ANK2: variants seen among roughly 807,000 people sequenced by gnomAD.
ANK2 encodes ankyrin 2.
In ANK2, 83 loss-of-function variants were observed where a neutral mutation model predicts 360.5. The observed-to-expected ratio is 0.23, with a 90% CI of 0.19 to 0.28. ANK2 has a LOEUF of 0.28. Among genes scored for constraint, ANK2 ranks in the 10% least tolerant of loss-of-function variants. ANK2 has a pLI of 1.00. For missense variants in ANK2, 4,201 were observed against 4,795.7 expected (o/e 0.88, Z 3.66); for synonymous variants, 1,740 against 1,759.5 (o/e 0.99, Z 0.28).
At chr4:112,863,758 G>A (rs1321651888) in intron 1 of ANK2, among the ~76,000 whole-genome samples, 1 of 151,916 alleles carries the variant, frequency 6.6e-6, no homozygotes, top group Non-Finnish European at 1.5e-5. Context: ...TCCTGACCTC[G>A]TGATCCTCCC....
At chr4:112,730,386 C>T in the ANK2 span, among the ~76,000 whole-genome samples, 1 of 151,262 alleles carries the variant, frequency 6.6e-6, no homozygotes, top group African/African-American at 2.4e-5. Context: ...CCTGTAATCC[C>T]AGCACTTTGG....
At chr4:112,707,489 A>G in the ANK2 span, among the ~76,000 whole-genome samples, 1 of 152,172 alleles carries the variant, frequency 6.6e-6, no homozygotes, top group Non-Finnish European at 1.5e-5. Context: ...TTTTAATTGC[A>G]CTTGGAGCTA....
At chr4:112,974,789 G>GT (rs1220200579) in intron 2 of ANK2, among the ~76,000 whole-genome samples, 1 of 149,260 alleles carries the variant, frequency 6.7e-6, no homozygotes, top group African/African-American at 2.5e-5. Flanking sequence ...TGTCTTCTCT[G>GT]TTTTTTTTCC....
chr4:113,029,375 T>C (rs1473618908), intron 2 of ANK2, among the ~76,000 whole-genome samples: 2 of 151,918 alleles, frequency 1.3e-5, no homozygotes, highest in African/African-American at 2.4e-5. Flanking sequence ...GCTGGAACTA[T>C]AGGCACACAC....
intron 1 of ANK2, among the ~76,000 whole-genome samples, chr4:113,068,048 AT>A (rs2076234790): frequency 2.6e-5 from 4 of 152,316 alleles, no homozygotes; most frequent in Non-Finnish European, 5.9e-5. Context: ...TTGGATAGCC[AT>A]TCCCAAAGAA....
At chr4:113,264,367 A>C (rs1000539702) in intron 13 of ANK2, among the ~76,000 whole-genome samples, 1 of 152,236 alleles carries the variant, frequency 6.6e-6, no homozygotes, top group Non-Finnish European at 1.5e-5. Flanking sequence ...TAAGTGAGAC[A>C]ATGACAGATT....
At chr4:113,173,600 G>A in intron 1 of ANK2, among the ~76,000 whole-genome samples, 1 of 152,170 alleles carries the variant, frequency 6.6e-6, no homozygotes, top group East Asian at 1.9e-4. Context: ...GGGGCCGTGT[G>A]ATTGTAACTG....
chr4:112,990,386 C>G (rs1386828191), intron 2 of ANK2, among the ~76,000 whole-genome samples: 2 of 152,168 alleles, frequency 1.3e-5, no homozygotes, highest in Non-Finnish European at 2.9e-5. Flanking sequence ...AAAAGTCCCA[C>G]CTCTTAGATA....
chr4:113,262,835 G>T (rs1240399407), intron 13 of ANK2, among the ~76,000 whole-genome samples: 1 of 151,760 alleles, frequency 6.6e-6, no homozygotes, highest in Non-Finnish European at 1.5e-5. Context: ...TGGTATTGGT[G>T]GGGGAAACAG....
At chr4:113,303,615 A>G (rs1009792322) in intron 23 of ANK2, among the ~76,000 whole-genome samples, 10 of 152,120 alleles carry the variant, frequency 6.6e-5, no homozygotes, top group Non-Finnish European at 1.3e-4. Context: ...TGTATTTTGA[A>G]CTTCCATGTA....
chr4:113,238,391 T>C (rs569377205), intron 7 of ANK2, among the ~76,000 whole-genome samples: 38 of 152,330 alleles, frequency 2.5e-4, no homozygotes, highest in African/African-American at 8.7e-4. Context: ...GGGGATTCTT[T>C]AGACTATCAT....
intron 9 of ANK2, among the ~76,000 whole-genome samples, chr4:113,244,029 A>G (rs1310583995): frequency 1.3e-5 from 2 of 152,224 alleles, no homozygotes; most frequent in Non-Finnish European, 2.9e-5. Context: ...ATTTGGGTAT[A>G]CAATTAAAAA....
intron 14 of ANK2, among the ~76,000 whole-genome samples, chr4:113,267,698 T>C (rs2056789368): frequency 1.3e-5 from 2 of 152,236 alleles, no homozygotes; most frequent in South Asian, 4.1e-4. Context: ...CCTCCAGCTT[T>C]ATTCTTTTTG....
At chr4:113,113,965 G>A (rs186184259) in intron 1 of ANK2, among the ~76,000 whole-genome samples, 1 of 152,272 alleles carries the variant, frequency 6.6e-6, no homozygotes, top group Admixed American at 6.5e-5. Context: ...CTCTGTGTAG[G>A]AATGTCTAAT....
chr4:113,028,939 A>G (rs1579418688), intron 2 of ANK2, among the ~76,000 whole-genome samples: 2 of 152,242 alleles, frequency 1.3e-5, no homozygotes, highest in East Asian at 3.9e-4. Context: ...TACTCAGTCA[A>G]CTCAATCATG....
In ANK2 at chr4:113,287,669, C is replaced by A. The variant is rs199681788; in HGVS notation, c.2144C>A (p.Thr715Asn). 17 of 1,613,298 alleles carry A rather than the reference C, an allele frequency of 1.1e-5. No homozygotes were observed. In the East Asian group the frequency reaches 2.7e-4, roughly 25 times the overall value. ...AAAGTGAATGTTGCTGATATTCTCACCAAGCATGGAGCTGATCAGGATGCT... is the reference window on the plus strand; with the variant it reads ...AAAGTGAATGTTGCTGATATTCTCAACAAGCATGGAGCTGATCAGGATGCT... ...EDKVNVADIL[T>N]KHGADQDAHT... Residue 715 changes from threonine (T) to asparagine (N), a missense_variant, in exon 19 of 46, where the codon ACC becomes AAC. This residue lies in a region of ANK2 where 1,268 missense variants were observed against 1,650.8 expected (regional missense o/e 0.77). Coordinates refer to ENST00000357077, the MANE Select transcript of ANK2 (RefSeq NM_001148.6).
intron 1 of ANK2, among the ~76,000 whole-genome samples, chr4:112,866,774 ACT>A (rs974875379): frequency 6.6e-6 from 1 of 150,732 alleles, no homozygotes; most frequent in African/African-American, 2.4e-5. Flanking sequence ...CTGAAGAAAA[ACT>A]CTGTGTTGGT....
the ANK2 span, among the ~76,000 whole-genome samples, chr4:112,808,114 C>T: frequency 6.6e-6 from 1 of 151,848 alleles, no homozygotes; most frequent in Admixed American, 6.6e-5. Context: ...GTGAAGAGTA[C>T]TGCCAAGACA....
At chr4:113,363,528 G>A (rs769389943) in intron 40 of ANK2, 59 bp downstream of exon 40, 55 of 1,597,646 alleles carry the variant, frequency 3.4e-5, no homozygotes, top group East Asian at 9.0e-5. Flanking sequence ...CTCAACAACC[G>A]CATCTTGCAA....
Sources: allele counts gnomAD v4.1 joint callset (sites outside exome capture counted in the v4.1 genomes callset), GRCh38; gene constraint gnomAD v4.1.1; regional missense constraint gnomAD v4.1.1; transcripts MANE v1.5; gene names NCBI Gene and HGNC (gene_info 2026-07-23, HGNC 2026-07-21).